Variants in ABCA7 observed in about 807,000 individuals in gnomAD.
The protein encoded by ABCA7 is phospholipid-transporting ATPase ABCA7.
A neutral mutation model predicts 227.6 loss-of-function variants in ABCA7; 261 were observed. The ratio of observed to expected loss-of-function variants is 1.15; its 90% CI spans 1.04 to 1.27. The LOEUF (loss-of-function observed/expected upper bound fraction) is 1.27, where lower values mean the gene tolerates loss of function less well. ABCA7 is among the 50% of genes most tolerant of loss of function. The pLI is 0.00. For missense variants in ABCA7, 3,331 were observed against 2,924.5 expected, an observed-to-expected ratio of 1.14 and a Z score of -3.21; for synonymous variants, 1,488 against 1,279.7, an observed-to-expected ratio of 1.16 and a Z score of -3.47.
rs1555688249 is a variant in ABCA7, at chr19:1,049,467, G to GCC, written c.2552+36_2552+37dup. The GCC allele has an allele frequency of 3.2e-6, 4 of 1,255,752 alleles. 2 individuals are homozygous for GCC. Among genetic ancestry groups the GCC allele is most frequent in the East Asian group, 6.7e-5 (2 of 29,898 alleles). 77.8% of individuals were successfully genotyped at this position (1,255,752 alleles called of 1,614,324 possible). Reference sequence around the variant, plus strand: ...GCCCCCAACCACTCCCTCCCCGTGAGCCCCCCCACTCCCACCCCGTGAGCC... The same window carrying GCC: ...GCCCCCAACCACTCCCTCCCCGTGAGCCCCCCCCCACTCCCACCCCGTGAGCC... On this transcript the variant is annotated intron_variant, in intron 18 of 46. Transcript: ENST00000263094.
chr19:1,040,791 G>A (rs2039952963), intron 1 of ABCA7, among the ~76,000 whole-genome samples: 1 of 152,136 alleles, frequency 6.6e-6, no homozygotes, highest in African/African-American at 2.4e-5. Context: ...TGTCTCTCTG[G>A]GTGCCTGGGT....
At chr19:1,063,455 C>G in intron 42 of ABCA7, 89 bp from the exon 43 acceptor site, 1 of 1,528,334 alleles carries the variant, frequency 6.5e-7, no homozygotes, top group Non-Finnish European at 8.8e-7. Context: ...TGCCCCTGCT[C>G]CACACTCAAT....
rs576688236 is a variant in ABCA7 at position 1,043,542 on chromosome 19, T to TGGGCCA, written c.930+78_930+83dup. On this transcript the variant is annotated intron_variant, in intron 9 of 46. Transcript: ENST00000263094. ...GCCCATCCAGTACCCTCAGTCCAGG[T>TGGGCCA]GGGCCAGGGCCAGGCCGGAGGGTCA... 1.4e-4 allele frequency: 228 copies of TGGGCCA among 1,609,782 alleles called. No homozygotes were observed. The South Asian group carries it at 2.3e-3, about 16-fold the overall frequency.
At chr19:1,048,445 G>C (rs1300252676) in intron 16 of ABCA7, among the ~76,000 whole-genome samples, 1 of 135,338 alleles carries the variant, frequency 7.4e-6, no homozygotes, top group African/African-American at 2.8e-5. Context: ...GCGGTGAGTC[G>C]AGATCGCGCC....
chr19:1,058,955 G>A lies in ABCA7; in HGVS notation c.5400+15G>A. On this transcript the variant is annotated intron_variant, in intron 39 of 46. Transcript: ENST00000263094. Reference sequence around the variant, plus strand: ...ACTTGACCAAGGTAGGTGTGGTCAGGTCGACTGCTGGGTGGGGGGTGCTCC... The same window carrying A: ...ACTTGACCAAGGTAGGTGTGGTCAGATCGACTGCTGGGTGGGGGGTGCTCC... 1 of 1,610,970 alleles carries A rather than the reference G, an allele frequency of 6.2e-7. No individual in the cohort carries two copies. Among genetic ancestry groups the A allele is most frequent in the South Asian group, 1.1e-5 (1 of 90,756 alleles).
chr19:1,040,383 G>A (rs3764643), intron 1 of ABCA7, among the ~76,000 whole-genome samples, 187 bp downstream of exon 1: 9,818 of 152,160 alleles, frequency 0.065, 467 homozygotes, highest in African/African-American at 0.13. Context: ...CCTTAAGAGG[G>A]CCTTTGCCGA....
chr19:1,058,738 T>C lies in ABCA7; in HGVS notation c.5270T>C (p.Leu1757Pro), dbSNP rs2042452143. 6.2e-7 allele frequency: 1 copy of C among 1,613,594 alleles called. No individual in the cohort carries two copies. The highest frequency in any genetic ancestry group is 1.3e-5 in the African/African-American group (1 of 74,870). Residue 1757 changes from leucine (L) to proline (P), a missense_variant, in exon 38 of 47, where the codon CTC becomes CCC. By Grantham distance (98) the Leu-to-Pro change is moderately conservative. Coordinates refer to ENST00000263094, the MANE Select transcript of ABCA7 (RefSeq NM_019112.4). ...FTLLLQHRSQ[L>P]LPQPRVRSLP... ...CTACTGCTGCAGCACCGAAGCCAAC[T>C]CCTGCCACAGTTAGTGAGGTCTATG...
intron 24 of ABCA7, 123 bp from the exon 25 acceptor site, chr19:1,053,665 T>C (rs2041985385): frequency 6.6e-7 from 1 of 1,517,616 alleles, no homozygotes; most frequent in Non-Finnish European, 9.0e-7. Context: ...TGAGGAGCTC[T>C]GGTGGCTCAG....
chr19:1,044,561 C>A lies in ABCA7; in HGVS notation c.1048-16C>A. On this transcript the variant is annotated splice_polypyrimidine_tract_variant and intron_variant, in intron 10 of 46. Transcript: ENST00000263094. ...TGTGCCCGACCCAGACTCTCACTTTCACCTGCGCCCCCCAGCGGCTCCTGC... is the reference window on the plus strand; with the variant it reads ...TGTGCCCGACCCAGACTCTCACTTTAACCTGCGCCCCCCAGCGGCTCCTGC... 1 of 1,605,764 alleles carries A rather than the reference C, an allele frequency of 6.2e-7. No homozygotes were observed. The highest frequency in any genetic ancestry group is 8.5e-7 in the Non-Finnish European group (1 of 1,175,400).
rs1040523461 is a variant in ABCA7 at position 1,055,174 on chromosome 19, C to T, written c.4028C>T (p.Pro1343Leu). The T allele has an allele frequency of 1.9e-6, 3 of 1,612,440 alleles. No homozygotes were observed. The highest frequency in any genetic ancestry group is 2.5e-6 in the Non-Finnish European group (3 of 1,179,794). Residue 1343 changes from proline (P) to leucine (L), a missense_variant, in exon 30 of 47, where the codon CCA (proline) becomes CTA (leucine). Coordinates refer to ENST00000263094, the MANE Select transcript of ABCA7 (RefSeq NM_019112.4). Reference sequence around the variant, plus strand: ...AACTGGACCCCAGAGTCTCCATCCCCAGCCTGCCAGTGTAGCCGGCCCGGT... The same window carrying T: ...AACTGGACCCCAGAGTCTCCATCCCTAGCCTGCCAGTGTAGCCGGCCCGGT... ...SGNWTPESPS[P>L]ACQCSRPGAR...
intron 24 of ABCA7, 58 bp from the exon 25 acceptor site, chr19:1,053,730 C>G (rs2041991807): frequency 1.9e-6 from 3 of 1,566,916 alleles, no homozygotes; most frequent in Non-Finnish European, 2.6e-6. Flanking sequence ...GGGGGGCTCA[C>G]AAGCCCCCAG....
Position 1,041,951 on chromosome 19 carries a change from T to C in ABCA7, c.281T>C (p.Leu94Pro). 2 of 1,588,258 alleles carry C rather than the reference T, an allele frequency of 1.3e-6. No homozygotes were observed. Among genetic ancestry groups the C allele is most frequent in the Non-Finnish European group, 1.7e-6 (2 of 1,172,930 alleles). The stretch of plus-strand genomic sequence containing the variant: ...ACACCGGGCGAGGAGCCCGGGCGCC[T>C]GAGCAACTTCAACGACTCCCTGTGA... The part of the protein sequence containing the change: ...QLTPGEEPGR[L>P]SNFNDSLVSR... Residue 94 changes from leucine to proline, a missense_variant, in exon 4 of 47, where the codon CTG becomes CCG. By Grantham distance (98) the Leu-to-Pro change is moderately conservative. Transcript: ENST00000263094.
In ABCA7 at chr19:1,043,068, CT is replaced by C; in HGVS notation, c.609del (p.Arg204GlyfsTer43). The C allele has an allele frequency of 1.2e-6, 2 of 1,608,718 alleles. No homozygotes were observed. Among genetic ancestry groups the C allele is most frequent in the Non-Finnish European group, 1.7e-6 (2 of 1,176,800 alleles). On this transcript the variant is annotated frameshift_variant, in exon 8 of 47. Transcript: ENST00000263094. LOFTEE classifies it high-confidence loss of function. ...ELLALRSLVE[L>X]RALLQRPRGT... Reference sequence around the variant, plus strand: ...CCTGGCGCTGCGCAGCCTGGTGGAGCTTCGGGCACTGCTGCAGAGACCCCGA... The same window carrying C: ...CCTGGCGCTGCGCAGCCTGGTGGAGCTCGGGCACTGCTGCAGAGACCCCGA...
At chr19:1,055,849 A>ATC (rs887297777) in intron 30 of ABCA7, 58 bp from the exon 31 acceptor site, 3 of 1,487,526 alleles carry the variant, frequency 2.0e-6, no homozygotes, top group South Asian at 1.3e-5. Flanking sequence ...CCCTCTCACC[A>ATC]TCTCTCTCTC....
At position 1,051,246 on chromosome 19, in the gene ABCA7, G is replaced by T; in HGVS notation, c.2776G>T (p.Asp926Tyr). The T allele has an allele frequency of 6.2e-7, 1 of 1,609,874 alleles. No individual in the cohort carries two copies. Among genetic ancestry groups the T allele is most frequent in the South Asian group, 1.1e-5 (1 of 90,852 alleles). ...CCCCGAGCAGGACCGTCTGCTGCAGGATGTGGGGCTGGTCTCCAAGCAGAG... is the reference window on the plus strand; with the variant it reads ...CCCCGAGCAGGACCGTCTGCTGCAGTATGTGGGGCTGGTCTCCAAGCAGAG... ...VGPEQDRLLQ[D>Y]VGLVSKQSVQ... is the part of the protein sequence containing the mutation. Residue 926 changes from aspartate to tyrosine, a missense_variant, in exon 20 of 47, where the codon GAT (aspartate) becomes TAT (tyrosine). Physicochemically the swap from Asp to Tyr is radical, Grantham distance 160. Transcript: ENST00000263094.
In ABCA7 at chr19:1,041,213, C is replaced by A. The variant is rs1230922908; in HGVS notation, c.-137-12C>A. 8 of 816,254 alleles carry A rather than the reference C, an allele frequency of 9.8e-6. No homozygotes were observed. In the Admixed American group the frequency reaches 1.3e-4, roughly 13 times the overall value. 50.6% of individuals were successfully genotyped at this position (816,254 alleles called of 1,614,324 possible). On this transcript the variant is annotated splice_polypyrimidine_tract_variant and intron_variant, in intron 1 of 46. Transcript: ENST00000263094. ...TTTATCGAGTGACTACTGTTTGCCT[C>A]GCTCTAATCAGAGCTTCCAGGAACC...
In ABCA7 at chr19:1,065,466, G is replaced by C. The variant is rs749876762; in HGVS notation, c.*41G>C. On this transcript the variant is annotated 3_prime_UTR_variant, in exon 47 of 47. Coordinates refer to ENST00000263094, the MANE Select transcript of ABCA7 (RefSeq NM_019112.4). ...GGGGCCGCGGGGAGGCCCTGGGAAT[G>C]GCAAGGGCAAGGTAGAGTGCCTAGG... 6.2e-7 allele frequency: 1 copy of C among 1,607,248 alleles called. No individual in the cohort carries two copies. The highest frequency in any genetic ancestry group is 1.7e-5 in the Admixed American group (1 of 59,844).
chr19:1,057,124 C>T (rs758984744), intron 34 of ABCA7, 40 bp downstream of exon 34: 1 of 1,592,904 alleles, frequency 6.3e-7, no homozygotes, highest in South Asian at 1.1e-5. Flanking sequence ...CCAGCCACTG[C>T]TTGCCACTGC....
chr19:1,053,969 C>T (rs781269552), intron 25 of ABCA7, 37 bp from the exon 26 acceptor site: 2 of 1,610,852 alleles, frequency 1.2e-6, no homozygotes, highest in Admixed American at 3.3e-5. Flanking sequence ...CAATCCGTGA[C>T]CCTCAACTTT....
Sources: gnomAD v4.1 joint callset for allele counts (sites outside exome capture counted in the v4.1 genomes callset) on GRCh38, gnomAD v4.1.1 for gene constraint, MANE v1.5 for transcripts, NCBI Gene and HGNC (gene_info 2026-07-23, HGNC 2026-07-21) for gene names.